Variants in FOXO3B observed in about 807,000 individuals in gnomAD.
The protein encoded by FOXO3B is forkhead box protein O3B.
A neutral mutation model predicts 21.9 loss-of-function variants in FOXO3B; 15 were observed. The ratio of observed to expected loss-of-function variants is 0.68; its 90% confidence interval spans 0.46 to 1.05. The LOEUF (loss-of-function observed/expected upper bound fraction) is 1.05, where lower values mean the gene tolerates loss of function less well. Ranked by LOEUF, FOXO3B falls within the 50% of genes least tolerant of loss-of-function variation. The pLI, the probability that FOXO3B is intolerant of heterozygous loss-of-function variation, is 0.00. For synonymous variants in FOXO3B, 135 were observed against 213.6 expected, an observed-to-expected ratio of 0.63 and a Z score of 3.21; for missense variants, 293 against 435.5, an observed-to-expected ratio of 0.67 and a Z score of 2.91.
At position 18,671,895 on chromosome 17, in the gene FOXO3B, C is replaced by T. The variant is rs1287329615; in HGVS notation, c.*414G>A. ...TCGCTGAGCTGCTGTAGAGCATGGG[C>T]GAGAGAGGCGCATCGTCGTCCTGGA... On this transcript the variant is annotated 3_prime_UTR_variant, in exon 4 of 4. Coordinates refer to ENST00000395675, the MANE Select transcript of FOXO3B (RefSeq NM_001368135.1). 3.1e-6 allele frequency: 5 copies of T among 1,613,270 alleles called. No individual in the cohort carries two copies. The highest frequency in any genetic ancestry group is 4.5e-5 in the East Asian group (2 of 44,878).
At chr17:18,677,708 G>C (rs2032517791) in intron 3 of FOXO3B, 2 of 1,599,710 alleles carry the variant, frequency 1.3e-6, no homozygotes, top group Non-Finnish European at 1.7e-6. Flanking sequence ...GCGATAAGAA[G>C]CTGGCGGCCA....
rs955186682 is a variant in FOXO3B, at chr17:18,670,346, T to C, written c.*1963A>G. ...TTAGTTTATGTAATTTGTTAGTTTA[T>C]GGAGTTCCATGCGCTCAAAAGCTTG... On this transcript the variant is annotated 3_prime_UTR_variant, in exon 4 of 4. Coordinates refer to ENST00000395675, the MANE Select transcript of FOXO3B (RefSeq NM_001368135.1). 2.0e-5 allele frequency among the ~76,000 whole-genome samples: 3 copies of C among 152,266 alleles called. No homozygotes were observed. Among genetic ancestry groups the C allele is most frequent in the African/African-American group, 7.2e-5 (3 of 41,470 alleles).
chr17:18,677,118 A>G (rs1000853660), intron 3 of FOXO3B: 1 of 686,146 alleles, frequency 1.5e-6, no homozygotes, highest in African/African-American at 1.8e-5. Flanking sequence ...AGTGTTGACA[A>G]GCATGTGGAA....
chr17:18,673,338 C>T (rs1451781418), intron 3 of FOXO3B, among the ~76,000 whole-genome samples: 2 of 152,142 alleles, frequency 1.3e-5, no homozygotes, highest in Non-Finnish European at 2.9e-5. Context: ...TCTCTAACTC[C>T]TGGGCTCAAT....
In FOXO3B at chr17:18,672,509, C is replaced by T. The variant is rs1055903901; in HGVS notation, c.673G>A (p.Ala225Thr). The T allele has an allele frequency of 6.6e-7, 1 of 1,518,658 alleles. No individual in the cohort carries two copies. The highest frequency in any genetic ancestry group is 8.8e-7 in the Non-Finnish European group (1 of 1,130,958). 94.1% of individuals were successfully genotyped at this position (1,518,658 alleles called of 1,614,324 possible). The part of the protein sequence containing the change: ...QQPLPPPQPG[A>T]AGGSGQPRKC... ...CTCGGCTGCCCGGAGCCCCCAGCCGCCCCCGGCTGCGGCGGTGGCAGCGGT... is the reference window on the plus strand; with the variant it reads ...CTCGGCTGCCCGGAGCCCCCAGCCGTCCCCGGCTGCGGCGGTGGCAGCGGT... Residue 225 changes from alanine (A) to threonine (T), a missense_variant, in exon 4 of 4, where the codon GCG (alanine) becomes ACG (threonine). By Grantham distance (58) the Ala-to-Thr change is moderately conservative. Coordinates refer to ENST00000395675, the MANE Select transcript of FOXO3B (RefSeq NM_001368135.1). This position sits in a 1 kb window ranked among gnomAD's most constrained non-coding sequence, Gnocchi z 4.2.
intron 1 of FOXO3B, 154 bp downstream of exon 1, chr17:18,682,050 G>C (rs1012453381): frequency 8.3e-6 from 5 of 599,434 alleles, no homozygotes; most frequent in African/African-American, 3.7e-5. Flanking sequence ...CCCGAGGAGA[G>C]GATCAGGCCA....
At chr17:18,677,662 C>T in intron 3 of FOXO3B, 2 of 1,607,234 alleles carry the variant, frequency 1.2e-6, no homozygotes, top group Non-Finnish European at 1.7e-6. Flanking sequence ...TTGGGAGGGG[C>T]TGAGGGTCCC....
chr17:18,677,729 G>A lies in FOXO3B; in HGVS notation c.126+3012C>T, dbSNP rs1450913870. 6.9e-6 allele frequency: 11 copies of A among 1,589,002 alleles called. 1 individual carries two copies. The highest frequency in any genetic ancestry group is 2.8e-5 in the African/African-American group (2 of 72,262). Reference sequence around the variant, plus strand: ...AGAAGCTGGCGGCCAAGAAAAAGACGGACAAGAAGCGGGCGCTACGGCGGC... The same window carrying A: ...AGAAGCTGGCGGCCAAGAAAAAGACAGACAAGAAGCGGGCGCTACGGCGGC... On this transcript the variant is annotated intron_variant, in intron 3 of 3. Coordinates refer to ENST00000395675, the MANE Select transcript of FOXO3B (RefSeq NM_001368135.1).
intron 3 of FOXO3B, chr17:18,677,202 C>T (rs1019756670): frequency 7.1e-7 from 1 of 1,407,932 alleles, no homozygotes; most frequent in African/African-American, 1.4e-5. Flanking sequence ...TTGGCACTAT[C>T]TACCAACAGT....
At chr17:18,673,270 A>G (rs540525277) in intron 3 of FOXO3B, among the ~76,000 whole-genome samples, 2 of 152,234 alleles carry the variant, frequency 1.3e-5, no homozygotes, top group African/African-American at 2.4e-5. Context: ...CATGTTTATA[A>G]TTTTTTATTT....
rs978454627 is a variant in FOXO3B, at chr17:18,672,130, C to T, written c.*179G>A. 15 of 1,611,364 alleles carry T rather than the reference C, an allele frequency of 9.3e-6. No homozygotes were observed. The highest frequency in any genetic ancestry group is 5.3e-5 in the African/African-American group (4 of 74,824). On this transcript the variant is annotated 3_prime_UTR_variant, in exon 4 of 4. Coordinates refer to ENST00000395675, the MANE Select transcript of FOXO3B (RefSeq NM_001368135.1). This position sits in a 1 kb window ranked among gnomAD's most constrained non-coding sequence, Gnocchi z 4.2. ...CAGGGCTGCCTTCTTCTTGGCTGTG[C>T]GGCCACGGCTCTTGGTATACTTGTT...
At chr17:18,673,259 A>G (rs867664614) in intron 3 of FOXO3B, among the ~76,000 whole-genome samples, 36 of 152,318 alleles carry the variant, frequency 2.4e-4, no homozygotes, top group African/African-American at 8.2e-4. Context: ...CTAACACATG[A>G]CATGTTTATA....
rs1431724845 is a variant in FOXO3B at position 18,670,719 on chromosome 17, C to T, written c.*1590G>A. ...CTATTCCAAGGGTAAGTGCTTCACCCAGGGTAAGGGGCCATTAACAGTCTC... is the reference window on the plus strand; with the variant it reads ...CTATTCCAAGGGTAAGTGCTTCACCTAGGGTAAGGGGCCATTAACAGTCTC... On this transcript the variant is annotated 3_prime_UTR_variant, in exon 4 of 4. Transcript: ENST00000395675. 6.6e-6 allele frequency among the ~76,000 whole-genome samples: 1 copy of T among 152,094 alleles called. No individual in the cohort carries two copies. The highest frequency in any genetic ancestry group is 6.5e-5 in the Admixed American group (1 of 15,278).
chr17:18,672,939 C>T lies in FOXO3B; in HGVS notation c.243G>A (p.Gly81=). The T allele has an allele frequency of 1.3e-6, 2 of 1,529,390 alleles. No homozygotes were observed. The highest frequency in any genetic ancestry group is 1.8e-6 in the Non-Finnish European group (2 of 1,138,772). The allele number at this position is 1,529,390 out of a possible 1,614,324, so 94.7% of individuals were successfully genotyped here. The change falls in exon 4 of 4, where the codon GGG becomes GGA. Residue 81 remains glycine, a synonymous_variant. Coordinates refer to ENST00000395675, the MANE Select transcript of FOXO3B (RefSeq NM_001368135.1). This position sits in a 1 kb window ranked among gnomAD's most constrained non-coding sequence, Gnocchi z 4.2. ...EESARTPAAA[G]RAAKMAEAPA... ...GTGCCTCTGCCATCTTCGCCGCCCGCCCGGCCGCGGCTGGGGTTCTCGCGC... is the reference window on the plus strand; with the variant it reads ...GTGCCTCTGCCATCTTCGCCGCCCGTCCGGCCGCGGCTGGGGTTCTCGCGC...
At position 18,672,027 on chromosome 17, in the gene FOXO3B, A is replaced by G; in HGVS notation, c.*282T>C. 1 of 1,611,790 alleles carries G rather than the reference A, an allele frequency of 6.2e-7. No homozygotes were observed. The highest frequency in any genetic ancestry group is 8.5e-7 in the Non-Finnish European group (1 of 1,178,922). ...AGTCCGTCCACGCATCCAGCTCATC[A>G]CTGCTGCGTGACGTGGGGCTGCCAG... On this transcript the variant is annotated 3_prime_UTR_variant, in exon 4 of 4. Transcript: ENST00000395675. This position sits in a 1 kb window ranked among gnomAD's most constrained non-coding sequence, Gnocchi z 4.2.
rs1004001445 is a variant in FOXO3B at position 18,669,880 on chromosome 17, G to A, written c.*2429C>T. 3.9e-5 allele frequency among the ~76,000 whole-genome samples: 6 copies of A among 151,934 alleles called. No homozygotes were observed. The highest frequency in any genetic ancestry group is 6.5e-5 in the Admixed American group (1 of 15,268). On this transcript the variant is annotated 3_prime_UTR_variant, in exon 4 of 4. Coordinates refer to ENST00000395675, the MANE Select transcript of FOXO3B (RefSeq NM_001368135.1). ...ACTCTTTGCACATTTCTCACTGCAA[G>A]CTTAATGCTCACCTGTAAGTTCATT... is the stretch of plus-strand genomic sequence containing the variant.
chr17:18,674,863 G>A (rs1597496049), intron 3 of FOXO3B, among the ~76,000 whole-genome samples: 1 of 152,250 alleles, frequency 6.6e-6, no homozygotes, highest in East Asian at 1.9e-4. Context: ...GAGACACCAT[G>A]TCCCACAAAG....
chr17:18,671,783 C>A lies in FOXO3B; in HGVS notation c.*526G>T. 1.2e-6 allele frequency: 2 copies of A among 1,613,370 alleles called. 1 individual carries two copies. The highest frequency in any genetic ancestry group is 2.2e-5 in the South Asian group (2 of 91,054). On this transcript the variant is annotated 3_prime_UTR_variant, in exon 4 of 4. Coordinates refer to ENST00000395675, the MANE Select transcript of FOXO3B (RefSeq NM_001368135.1). ...GGTCGTCCATGAGGTTTTCAGTCAG[C>A]CCCATCATTCAGATTCATGGTGCCT...
In FOXO3B at chr17:18,676,623, G is replaced by A. The variant is rs530954300; in HGVS notation, c.127-3568C>T. Among the ~76,000 whole-genome samples the A allele has an allele frequency of 3.3e-5, 5 of 152,022 alleles. No homozygotes were observed. In the South Asian group the frequency reaches 6.2e-4, roughly 19 times the overall value. On this transcript the variant is annotated intron_variant, in intron 3 of 3. Transcript: ENST00000395675. ...GTATACACACACATACACAAACACC[G>A]AAATGATTCACACCAATTTCAAGAT...
Sources: gnomAD v4.1 joint callset for allele counts (sites outside exome capture counted in the v4.1 genomes callset) on GRCh38, gnomAD v4.1.1 for gene constraint, Gnocchi (gnomAD v3.1) non-coding constraint, MANE v1.5 for transcripts, NCBI Gene and HGNC (gene_info 2026-07-23, HGNC 2026-07-21) for gene names.